The following SYT16 variants were observed in gnomAD, a reference collection of about 807,000 sequenced individuals.
The protein encoded by SYT16 is synaptotagmin-16.
SYT16 carries 42 observed loss-of-function variants against 61.4 expected under a neutral mutation model. That is an observed-to-expected ratio of 0.68 (90% CI 0.53 to 0.89). SYT16 has a LOEUF of 0.89. Ranked by LOEUF, SYT16 falls within the 40% of genes least tolerant of loss-of-function variation. The pLI is 0.00. For missense variants in SYT16, 804 were observed against 807.3 expected (o/e 1.00, Z 0.05); for synonymous variants, 314 against 302.3 (o/e 1.04, Z -0.40).
At chr14:62,026,463 A>C (rs765587171) in intron 3 of SYT16, among the ~76,000 whole-genome samples, 19 of 152,240 alleles carry the variant, frequency 1.2e-4, no homozygotes, top group Non-Finnish European at 2.5e-4. Flanking sequence ...CAAGAGAGCA[A>C]ATTCACTGAG....
At chr14:61,911,647 A>G (rs1460807975) in intron 1 of SYT16, among the ~76,000 whole-genome samples, 1 of 152,220 alleles carries the variant, frequency 6.6e-6, no homozygotes, top group Non-Finnish European at 1.5e-5. Context: ...ATTAAAATCA[A>G]TATCTAAGAG....
chr14:61,995,085 A>G (rs776292086), intron 2 of SYT16, among the ~76,000 whole-genome samples: 8 of 152,216 alleles, frequency 5.3e-5, no homozygotes, highest in Non-Finnish European at 1.0e-4. Context: ...GTGTATGTAT[A>G]CATTGTATGC....
chr14:61,940,850 G>T (rs921094040), intron 1 of SYT16, among the ~76,000 whole-genome samples: 1 of 152,130 alleles, frequency 6.6e-6, no homozygotes, highest in East Asian at 1.9e-4. Context: ...ACTGAGAACC[G>T]GAATGGTTGA....
chr14:62,094,510 A>G (rs1463373259), intron 7 of SYT16, among the ~76,000 whole-genome samples: 1 of 152,076 alleles, frequency 6.6e-6, no homozygotes, highest in African/African-American at 2.4e-5. Context: ...AAGTGTTACC[A>G]TCTCATAATA....
At chr14:62,070,889 GA>G (rs2056273334) in intron 4 of SYT16, among the ~76,000 whole-genome samples, 1 of 152,130 alleles carries the variant, frequency 6.6e-6, no homozygotes, top group Non-Finnish European at 1.5e-5. Flanking sequence ...AGATAAAAAG[GA>G]GGGTGCAGAA....
chr14:61,865,431 G>T (rs2047117196), intron 1 of SYT16, among the ~76,000 whole-genome samples: 1 of 152,170 alleles, frequency 6.6e-6, no homozygotes, highest in Non-Finnish European at 1.5e-5. Flanking sequence ...AGAAAGCCGT[G>T]AAGATCCTCC....
At chr14:62,089,190 G>A (rs562065932) in intron 7 of SYT16, among the ~76,000 whole-genome samples, 4 of 152,074 alleles carry the variant, frequency 2.6e-5, no homozygotes, top group Non-Finnish European at 5.9e-5. Context: ...ATGGTGGCAG[G>A]TGCCTGTAAT....
intron 1 of SYT16, among the ~76,000 whole-genome samples, chr14:61,847,973 A>G (rs1463707685): frequency 1.3e-5 from 2 of 152,156 alleles, no homozygotes; most frequent in South Asian, 2.1e-4. Flanking sequence ...GTTATCTTGA[A>G]TTTCATCGAG....
intron 1 of SYT16, among the ~76,000 whole-genome samples, chr14:61,827,411 G>T (rs1037098146): frequency 6.6e-6 from 1 of 152,164 alleles, no homozygotes; most frequent in African/African-American, 2.4e-5. Context: ...TTCCAAAAAT[G>T]TGTTGATCTT....
chr14:62,071,725 A>G (rs890096069), intron 4 of SYT16, among the ~76,000 whole-genome samples: 8 of 152,184 alleles, frequency 5.3e-5, no homozygotes, highest in Non-Finnish European at 7.4e-5. Flanking sequence ...CCTATTCTCT[A>G]TTTAGCTGTT....
intron 1 of SYT16, among the ~76,000 whole-genome samples, chr14:61,823,233 C>T (rs1431487841): frequency 6.6e-6 from 1 of 152,118 alleles, no homozygotes; most frequent in Non-Finnish European, 1.5e-5. Context: ...CTTCGTGATC[C>T]TTCCACCTCA....
chr14:61,892,841 A>C (rs1321816719), intron 1 of SYT16, among the ~76,000 whole-genome samples: 1 of 152,210 alleles, frequency 6.6e-6, no homozygotes, highest in Non-Finnish European at 1.5e-5. Flanking sequence ...CCCATTGGCC[A>C]GGCTTGGTTG....
intron 3 of SYT16, among the ~76,000 whole-genome samples, chr14:62,018,333 G>A (rs1443867235): frequency 4.9e-5 from 4 of 80,902 alleles, no homozygotes; most frequent in Non-Finnish European, 6.8e-5. Context: ...TTTTGAGACT[G>A]TCTCGCTCTT....
intron 1 of SYT16, among the ~76,000 whole-genome samples, chr14:61,848,225 G>C (rs143011962): frequency 1.1e-4 from 17 of 152,242 alleles, no homozygotes; most frequent in Non-Finnish European, 2.2e-4. Context: ...TATTTGAAGG[G>C]ATTTGGGTGT....
chr14:61,864,925 G>A lies in SYT16; in HGVS notation c.-325+52115G>A. ...GCGGGATGCTCCGTGTCTTAACCGG[G>A]GTCCTGGGCTGCCTGCAGGCCTTGA... is the stretch of plus-strand genomic sequence containing the variant. On this transcript the variant is annotated intron_variant, in intron 1 of 7. Coordinates refer to ENST00000683842, the MANE Select transcript of SYT16 (RefSeq NM_001367656.1). 2.3e-6 allele frequency: 3 copies of A among 1,285,278 alleles called. No homozygotes were observed. The South Asian group carries it at 3.6e-5, about 15-fold the overall frequency. 79.6% of individuals were successfully genotyped at this position (1,285,278 alleles called of 1,614,324 possible).
intron 3 of SYT16, among the ~76,000 whole-genome samples, chr14:62,019,809 G>A (rs7142659): frequency 0.44 from 66,787 of 151,476 alleles, 15,066 homozygotes; most frequent in East Asian, 0.66. Flanking sequence ...GGCACTGACC[G>A]CTTTTCCTGG....
chr14:61,869,699 T>A (rs1415559703), intron 1 of SYT16, among the ~76,000 whole-genome samples: 1 of 152,212 alleles, frequency 6.6e-6, no homozygotes, highest in Non-Finnish European at 1.5e-5. Context: ...TGGGAGATAG[T>A]TAGGTCAAGA....
intron 1 of SYT16, among the ~76,000 whole-genome samples, chr14:61,894,066 C>T (rs1289546758): frequency 6.6e-6 from 1 of 152,096 alleles, no homozygotes; most frequent in Non-Finnish European, 1.5e-5. Flanking sequence ...GGCAGATTAC[C>T]TGAGGTCAGG....
intron 1 of SYT16, among the ~76,000 whole-genome samples, chr14:61,934,474 G>T (rs2049898759): frequency 6.6e-6 from 1 of 152,202 alleles, no homozygotes; most frequent in African/African-American, 2.4e-5. Context: ...CGGAATTGAG[G>T]CACTGTTATG....
Sources: gnomAD v4.1 joint callset for allele counts (sites outside exome capture counted in the v4.1 genomes callset) on GRCh38, gnomAD v4.1.1 for gene constraint, MANE v1.5 for transcripts, NCBI Gene and HGNC (gene_info 2026-07-23, HGNC 2026-07-21) for gene names.